Variants in PPP1R9A observed in about 807,000 individuals in gnomAD.
PPP1R9A encodes the protein neurabin-1.
PPP1R9A carries 59 observed loss-of-function variants against 141.9 expected under a neutral mutation model. The observed-to-expected ratio is 0.42, with a 90% CI of 0.34 to 0.52. The LOEUF (loss-of-function observed/expected upper bound fraction) is 0.52. Among genes scored for constraint, PPP1R9A ranks in the 20% least tolerant of loss-of-function variants. PPP1R9A has a pLI of 0.10. For missense variants in PPP1R9A, 1,444 were observed against 1,611.9 expected, an observed-to-expected ratio of 0.90 and a Z score of 1.78; for synonymous variants, 500 against 569.7, an observed-to-expected ratio of 0.88 and a Z score of 1.74.
intron 2 of PPP1R9A, among the ~76,000 whole-genome samples, chr7:95,023,129 G>A (rs1045648370): frequency 6.6e-6 from 1 of 152,108 alleles, no homozygotes; most frequent in East Asian, 1.9e-4. Context: ...TGGTTGGTAG[G>A]CTGTTAATTA....
At chr7:95,208,196 A>G (rs1368866911) in intron 7 of PPP1R9A, among the ~76,000 whole-genome samples, 1 of 152,142 alleles carries the variant, frequency 6.6e-6, no homozygotes, top group Non-Finnish European at 1.5e-5. Flanking sequence ...TTGGTCAGGG[A>G]GCCCAGAAAC....
intron 2 of PPP1R9A, among the ~76,000 whole-genome samples, chr7:94,946,300 A>G (rs900351820): frequency 8.5e-5 from 13 of 152,086 alleles, no homozygotes; most frequent in Admixed American, 4.6e-4. Flanking sequence ...GAGAGTTTGT[A>G]GAAGAACATA....
At chr7:95,289,053 A>G (rs953013435) in intron 19 of PPP1R9A, among the ~76,000 whole-genome samples, 2 of 152,204 alleles carry the variant, frequency 1.3e-5, no homozygotes, top group African/African-American at 4.8e-5. Context: ...TCATCACATT[A>G]GAATTAAGAC....
At chr7:95,014,693 A>G (rs1359294339) in intron 2 of PPP1R9A, among the ~76,000 whole-genome samples, 2 of 152,054 alleles carry the variant, frequency 1.3e-5, no homozygotes, top group African/African-American at 4.8e-5. Flanking sequence ...TTCTTGCATG[A>G]CTGAAGCACT....
intron 12 of PPP1R9A, among the ~76,000 whole-genome samples, chr7:95,264,049 T>C (rs1233211261): frequency 6.6e-6 from 1 of 152,184 alleles, no homozygotes; most frequent in Non-Finnish European, 1.5e-5. Context: ...TTGTTCTGAA[T>C]TCTATTCAAG....
intron 12 of PPP1R9A, 85 bp downstream of exon 12, chr7:95,252,215 A>G: frequency 7.2e-7 from 1 of 1,390,118 alleles, no homozygotes; most frequent in Non-Finnish European, 9.5e-7. Flanking sequence ...CAGAGATTTA[A>G]AAGTTGGAAA....
chr7:95,195,153 C>A (rs1006844453), intron 5 of PPP1R9A, among the ~76,000 whole-genome samples: 1 of 151,928 alleles, frequency 6.6e-6, no homozygotes, highest in Non-Finnish European at 1.5e-5. Flanking sequence ...ACATGGAAAT[C>A]AATTTACAAG....
intron 16 of PPP1R9A, among the ~76,000 whole-genome samples, chr7:95,274,596 T>C (rs556320712): frequency 1.3e-5 from 2 of 152,312 alleles, no homozygotes; most frequent in East Asian, 1.9e-4. Context: ...CTTGTCCACA[T>C]GTATGTAGGA....
chr7:94,929,058 C>T (rs1030423262), intron 2 of PPP1R9A, among the ~76,000 whole-genome samples: 1 of 152,190 alleles, frequency 6.6e-6, no homozygotes, highest in African/African-American at 2.4e-5. Flanking sequence ...AGGTGTCTTA[C>T]ATTAATATAG....
At chr7:95,177,833 A>G (rs183877593) in intron 5 of PPP1R9A, among the ~76,000 whole-genome samples, 1 of 152,292 alleles carries the variant, frequency 6.6e-6, no homozygotes, top group East Asian at 1.9e-4. Context: ...TCACAATCCT[A>G]AACATATTTG....
intron 2 of PPP1R9A, among the ~76,000 whole-genome samples, chr7:94,997,982 A>T (rs541785888): frequency 2.0e-4 from 30 of 152,056 alleles, no homozygotes; most frequent in South Asian, 8.3e-4. Context: ...TTGAAAAAAA[A>T]TTTTTTTTCC....
At chr7:94,919,957 T>C (rs183541782) in intron 2 of PPP1R9A, among the ~76,000 whole-genome samples, 21 of 152,328 alleles carry the variant, frequency 1.4e-4, no homozygotes, top group African/African-American at 5.0e-4. Flanking sequence ...TTCTCGGCTT[T>C]ACCATCCTGT....
intron 8 of PPP1R9A, among the ~76,000 whole-genome samples, chr7:95,227,294 C>T (rs1257515538): frequency 6.6e-6 from 1 of 152,144 alleles, no homozygotes; most frequent in East Asian, 1.9e-4. Context: ...TTTCATTTTA[C>T]CAGTTGAGTA....
chr7:94,940,752 T>C (rs988845657), intron 2 of PPP1R9A, among the ~76,000 whole-genome samples: 5 of 152,016 alleles, frequency 3.3e-5, no homozygotes, highest in African/African-American at 1.2e-4. Context: ...ATATATAATA[T>C]TGATTTCTGG....
In PPP1R9A at chr7:95,286,075, A is replaced by G. The variant is rs1283666041; in HGVS notation, c.3610-131A>G. On this transcript the variant is annotated intron_variant, in intron 17 of 19. Coordinates refer to ENST00000433360, the MANE Select transcript of PPP1R9A (RefSeq NM_001166160.2). ...GCATTCTCAACCGCTGCCCCATTGA[A>G]GGTCATCACCAAATCATACATGAAT... The G allele has an allele frequency of 4.9e-6, 7 of 1,414,506 alleles. No individual in the cohort carries two copies. In the East Asian group the frequency reaches 1.2e-4, roughly 25 times the overall value. 87.6% of individuals were successfully genotyped at this position (1,414,506 alleles called of 1,614,324 possible).
chr7:95,088,273 G>A (rs1816896353), intron 2 of PPP1R9A, among the ~76,000 whole-genome samples: 1 of 151,904 alleles, frequency 6.6e-6, no homozygotes, highest in South Asian at 2.1e-4. Flanking sequence ...GGGAGAAGAG[G>A]AAAGAAACTC....
At chr7:94,950,856 T>C (rs539133851) in intron 2 of PPP1R9A, among the ~76,000 whole-genome samples, 159 of 152,176 alleles carry the variant, frequency 1.0e-3, no homozygotes, top group Middle Eastern at 3.4e-3. Context: ...CAGTGATCTT[T>C]CCACCTCAGC....
At chr7:94,914,326 G>T (rs1791802860) in intron 2 of PPP1R9A, among the ~76,000 whole-genome samples, 1 of 152,028 alleles carries the variant, frequency 6.6e-6, no homozygotes, top group Admixed American at 6.5e-5. Flanking sequence ...TCTTTTTATA[G>T]ATGTTTTACA....
At position 95,250,267 on chromosome 7, in the gene PPP1R9A, C is replaced by G. The variant is rs1407533272; in HGVS notation, c.2396+12C>G. The G allele has an allele frequency of 1.9e-6, 3 of 1,584,862 alleles. No individual in the cohort carries two copies. Among genetic ancestry groups the G allele is most frequent in the Non-Finnish European group, 2.6e-6 (3 of 1,162,414 alleles). ...GATTTTCAACAAAAGTAAGCCGCTT[C>G]TAATAACTAAAGAATAGTTATGTTT... On this transcript the variant is annotated intron_variant, in intron 10 of 19. Transcript: ENST00000433360.
Sources: allele counts gnomAD v4.1 joint callset (sites outside exome capture counted in the v4.1 genomes callset), GRCh38; gene constraint gnomAD v4.1.1; transcripts MANE v1.5; gene names NCBI Gene and HGNC (gene_info 2026-07-23, HGNC 2026-07-21).